NCAM2: variants seen among roughly 807,000 people sequenced by gnomAD.
NCAM2 encodes neural cell adhesion molecule 2.
Under a neutral mutation model 98.1 loss-of-function variants are expected in NCAM2, and 30 were observed. The ratio of observed to expected loss-of-function variants is 0.31; its 90% CI spans 0.23 to 0.41. The LOEUF (loss-of-function observed/expected upper bound fraction) is 0.41, where lower values mean the gene tolerates loss of function less well. Ranked by LOEUF, NCAM2 falls within the 10% of genes least tolerant of loss-of-function variation. NCAM2 has a pLI of 1.00. For missense variants in NCAM2, 867 were observed against 1,005.8 expected (o/e 0.86, Z 1.87); for synonymous variants, 368 against 342.4 (o/e 1.07, Z -0.83).
intron 1 of NCAM2, among the ~76,000 whole-genome samples, chr21:21,124,461 T>C (rs1351658823): frequency 6.6e-6 from 1 of 152,148 alleles, no homozygotes; most frequent in East Asian, 1.9e-4. Context: ...AGTAGGCCTC[T>C]AAAATAGTAA....
chr21:21,153,394 A>G (rs537871257), intron 1 of NCAM2, among the ~76,000 whole-genome samples: 2 of 151,914 alleles, frequency 1.3e-5, no homozygotes, highest in South Asian at 2.1e-4. Flanking sequence ...AACTTACACT[A>G]CTATGCTGTG....
At chr21:21,311,931 A>G (rs1179719791) in intron 5 of NCAM2, among the ~76,000 whole-genome samples, 3 of 152,218 alleles carry the variant, frequency 2.0e-5, no homozygotes, top group African/African-American at 7.2e-5. Context: ...TATTGTATAT[A>G]ACAATCTATT....
intron 1 of NCAM2, among the ~76,000 whole-genome samples, chr21:21,246,833 G>A (rs778279884): frequency 3.0e-4 from 46 of 152,110 alleles, no homozygotes; most frequent in African/African-American, 3.9e-4. Context: ...CTGAAGTACC[G>A]TGGCTGTAAA....
chr21:21,496,634 A>G (rs1009452439), intron 15 of NCAM2, among the ~76,000 whole-genome samples: 15 of 152,012 alleles, frequency 9.9e-5, no homozygotes, highest in African/African-American at 3.6e-4. Context: ...CCACTTGTCT[A>G]TTTTTTGTTT....
intron 1 of NCAM2, among the ~76,000 whole-genome samples, chr21:21,280,169 C>CGTGTGT (rs3831437): frequency 1.3e-5 from 2 of 150,436 alleles, no homozygotes; most frequent in Non-Finnish European, 3.0e-5. Context: ...AGTTAATTTG[C>CGTGTGT]GTGTGTGTGT....
chr21:21,085,150 A>G (rs959203350), intron 1 of NCAM2, among the ~76,000 whole-genome samples: 1 of 151,912 alleles, frequency 6.6e-6, no homozygotes, highest in African/African-American at 2.4e-5. Context: ...TTGCAAAGTT[A>G]TTGTTGTTAA....
chr21:21,017,942 A>G (rs925119508), intron 1 of NCAM2, among the ~76,000 whole-genome samples: 4 of 152,132 alleles, frequency 2.6e-5, no homozygotes, highest in Non-Finnish European at 4.4e-5. Flanking sequence ...AAACCATTCT[A>G]TGCTGTATCA....
chr21:21,091,083 GT>G (rs2066002842), intron 1 of NCAM2, among the ~76,000 whole-genome samples: 1 of 152,194 alleles, frequency 6.6e-6, no homozygotes, highest in African/African-American at 2.4e-5. Flanking sequence ...TGTTCATGTT[GT>G]TTCCCCAATC....
intron 1 of NCAM2, among the ~76,000 whole-genome samples, chr21:21,231,306 G>A (rs1449639127): frequency 6.6e-6 from 1 of 151,166 alleles, no homozygotes; most frequent in East Asian, 1.9e-4. Flanking sequence ...GATTTATATG[G>A]CAGTTATCCC....
chr21:21,521,081 A>G (rs1602550341), intron 16 of NCAM2, among the ~76,000 whole-genome samples: 1 of 152,182 alleles, frequency 6.6e-6, no homozygotes, highest in Admixed American at 6.5e-5. Flanking sequence ...AGAGCCTAAC[A>G]TGGGGTTTTT....
intron 15 of NCAM2, among the ~76,000 whole-genome samples, chr21:21,491,221 T>C (rs931999741): frequency 2.0e-5 from 3 of 151,844 alleles, no homozygotes; most frequent in Non-Finnish European, 4.4e-5. Context: ...ATTGTAAACT[T>C]GTTCTAGTGT....
chr21:21,361,627 A>G (rs539490795), intron 8 of NCAM2, among the ~76,000 whole-genome samples: 38 of 152,216 alleles, frequency 2.5e-4, no homozygotes, highest in African/African-American at 5.1e-4. Context: ...TTAATGATCA[A>G]TTGGATTCTG....
chr21:21,004,993 T>C (rs1207095203), intron 1 of NCAM2, among the ~76,000 whole-genome samples: 1 of 151,964 alleles, frequency 6.6e-6, no homozygotes, highest in Non-Finnish European at 1.5e-5. Context: ...GTGAACAAAT[T>C]GTAAGAAGGG....
chr21:21,007,921 CG>C (rs1167955107), intron 1 of NCAM2, among the ~76,000 whole-genome samples: 1 of 152,084 alleles, frequency 6.6e-6, no homozygotes, highest in Non-Finnish European at 1.5e-5. Context: ...GTGATTCAGA[CG>C]CCTCTGACGT....
intron 1 of NCAM2, among the ~76,000 whole-genome samples, chr21:21,047,653 T>C (rs1246117960): frequency 6.6e-6 from 1 of 152,232 alleles, no homozygotes; most frequent in Non-Finnish European, 1.5e-5. Flanking sequence ...GTTAAACTTA[T>C]TGAAAGAAAT....
chr21:21,436,374 C>T (rs570837771), intron 12 of NCAM2, among the ~76,000 whole-genome samples: 1 of 152,350 alleles, frequency 6.6e-6, no homozygotes. Flanking sequence ...CCACTTACAA[C>T]ATACTTTCAC....
chr21:21,310,643 A>G (rs2074018469), intron 5 of NCAM2, among the ~76,000 whole-genome samples: 1 of 152,196 alleles, frequency 6.6e-6, no homozygotes, highest in Non-Finnish European at 1.5e-5. Flanking sequence ...CAATTTTTTA[A>G]CTATCAATAT....
At position 21,284,191 on chromosome 21, in the gene NCAM2, C is replaced by T. The variant is rs374222092; in HGVS notation, c.131-3C>T. ...AACCTTTATTTTCCATGGCTCTTTG[C>T]AGCGATTGGTGAACCTGAAAGTATA... On this transcript the variant is annotated splice_polypyrimidine_tract_variant and splice_region_variant and intron_variant, in intron 2 of 17. Coordinates refer to ENST00000400546, the MANE Select transcript of NCAM2 (RefSeq NM_004540.5). 8 of 1,605,850 alleles carry T rather than the reference C, an allele frequency of 5.0e-6. No individual in the cohort carries two copies. The highest frequency in any genetic ancestry group is 6.8e-6 in the Non-Finnish European group (8 of 1,173,070).
At chr21:21,446,658 T>C (rs1419100364) in intron 12 of NCAM2, among the ~76,000 whole-genome samples, 1 of 152,050 alleles carries the variant, frequency 6.6e-6, no homozygotes, top group Non-Finnish European at 1.5e-5. Context: ...AACCCCATCA[T>C]CTCAGCCCAA....
Sources: allele counts gnomAD v4.1 joint callset (sites outside exome capture counted in the v4.1 genomes callset), GRCh38; gene constraint gnomAD v4.1.1; transcripts MANE v1.5; gene names NCBI Gene and HGNC (gene_info 2026-07-23, HGNC 2026-07-21).